Variants in EVC2 observed in about 807,000 individuals in gnomAD.
EVC2 encodes the protein EvC ciliary complex subunit 2, also known as limbin.
EVC2 carries 148 observed loss-of-function variants against 149.3 expected under a neutral mutation model. The observed-to-expected ratio is 0.99, with a 90% CI of 0.87 to 1.14. The LOEUF is 1.14. Among genes scored for constraint, EVC2 ranks in the 50% most tolerant of loss-of-function variants. The pLI, the probability that EVC2 is intolerant of heterozygous loss-of-function variation, is 0.00. For missense variants in EVC2, 1,854 were observed against 1,627.3 expected (o/e 1.14, Z -2.40); for synonymous variants, 776 against 649.9 (o/e 1.19, Z -2.95).
chr4:5,541,227 G>A (rs546749827), downstream of EVC2, among the ~76,000 whole-genome samples: 12 of 152,216 alleles, frequency 7.9e-5, no homozygotes, highest in South Asian at 2.1e-3. Flanking sequence ...TGACTGCCTA[G>A]GAGGTGCCAG....
At position 5,694,421 on chromosome 4, in the gene EVC2, G is replaced by A. The variant is rs1398017880; in HGVS notation, c.364C>T (p.Pro122Ser). The A allele has an allele frequency of 6.2e-7, 1 of 1,614,018 alleles. No individual in the cohort carries two copies. Among genetic ancestry groups the A allele is most frequent in the Non-Finnish European group, 8.5e-7 (1 of 1,180,002 alleles). ...PLSTSAASSG[P>S]WAHSLFAFIP... Reference sequence around the variant, plus strand: ...AAAGCAAATAAGGAATGAGCCCATGGCCCACTAGAGGCTGCAGAAGTTGAG... The same window carrying A: ...AAAGCAAATAAGGAATGAGCCCATGACCCACTAGAGGCTGCAGAAGTTGAG... Residue 122 changes from proline to serine, a missense_variant, in exon 3 of 22, where the codon CCA (proline) becomes TCA (serine). Pro to Ser is a moderately conservative substitution (Grantham distance 74). Transcript: ENST00000344408.
intron 4 of EVC2, 105 bp downstream of exon 4, chr4:5,691,160 G>C (rs1721090956): frequency 3.0e-6 from 3 of 1,008,652 alleles, no homozygotes; most frequent in Non-Finnish European, 4.7e-6. Context: ...ACTTGTGTAG[G>C]TAAGCCCATG....
Position 5,622,039 on chromosome 4 carries a change from G to A in EVC2, c.2501+498C>T, listed in dbSNP as rs1299537568. ...GGTGAAAAGATGATGCAGTGTGGTG[G>A]AAGAACTAACACGAAGGTCAAGATC... On this transcript the variant is annotated intron_variant, in intron 14 of 21. Transcript: ENST00000344408. This position sits in a 1 kb window ranked among gnomAD's most constrained non-coding sequence, Gnocchi z 5.8. Among the ~76,000 whole-genome samples the A allele has an allele frequency of 2.0e-5, 3 of 151,954 alleles. No homozygotes were observed. Among genetic ancestry groups the A allele is most frequent in the Non-Finnish European group, 4.4e-5 (3 of 67,996 alleles).
At position 5,696,512 on chromosome 4, in the gene EVC2, C is replaced by T. The variant is rs1721487807; in HGVS notation, c.283+1081G>A. Among the ~76,000 whole-genome samples the T allele has an allele frequency of 1.3e-5, 2 of 152,342 alleles. No individual in the cohort carries two copies. The highest frequency in any genetic ancestry group is 2.4e-5 in the African/African-American group (1 of 41,592). ...CCCACGCTGAGCCCAGGGGCCTGCA[C>T]TGGAACTGTCACAGCCGCTGGGAAG... On this transcript the variant is annotated intron_variant, in intron 2 of 21. Coordinates refer to ENST00000344408, the MANE Select transcript of EVC2 (RefSeq NM_147127.5). This position sits in a 1 kb window ranked among gnomAD's most constrained non-coding sequence, Gnocchi z 4.1.
chr4:5,639,833 AT>A (rs1560186652), intron 10 of EVC2, among the ~76,000 whole-genome samples: 1 of 151,750 alleles, frequency 6.6e-6, no homozygotes, highest in Non-Finnish European at 1.5e-5. Context: ...ACATACCTCT[AT>A]TATAACATGA....
chr4:5,588,788 T>G (rs1186695423), intron 16 of EVC2, among the ~76,000 whole-genome samples: 2 of 152,248 alleles, frequency 1.3e-5, no homozygotes, highest in Non-Finnish European at 2.9e-5. Context: ...TTAACCTTTT[T>G]TGAACATATT....
chr4:5,531,392 C>G, the EVC2 span, among the ~76,000 whole-genome samples: 6 of 152,174 alleles, frequency 3.9e-5, no homozygotes, highest in African/African-American at 1.4e-4. Context: ...TACTTTAAGT[C>G]AGGGGTCTCC....
chr4:5,599,721 T>C lies in EVC2; in HGVS notation c.2830-14871A>G, dbSNP rs570344300. Among the ~76,000 whole-genome samples, 86 of 145,936 alleles carry C rather than the reference T, an allele frequency of 5.9e-4. 1 individual carries two copies. In the South Asian group the frequency reaches 0.018, roughly 30 times the overall value. Reference sequence around the variant, plus strand: ...ATGTACCCTAAAACTTAAAGCATAATAAAATAAAATAAAAGAAGATTCCCA... The same window carrying C: ...ATGTACCCTAAAACTTAAAGCATAACAAAATAAAATAAAAGAAGATTCCCA... On this transcript the variant is annotated intron_variant, in intron 16 of 21. Transcript: ENST00000344408.
In EVC2 at chr4:5,576,362, C is replaced by T; in HGVS notation, c.3150G>A (p.Trp1050Ter). Reference protein sequence around the residue: ...QQQALASWQQWVADGPGILNE... With the variant: ...QQQALASWQQ ...TCAGAATCCCGGGCCCATCGGCCAC[C>T]CACTGCTGCCAGCTCGCCAGGGCCT... Residue 1050 changes from tryptophan (W) to a stop codon, truncating the protein, a stop_gained, in exon 18 of 22, where the codon TGG becomes TGA. Transcript: ENST00000344408. LOFTEE classifies it high-confidence loss of function. The surrounding 1 kb of genome is among the most constrained non-coding windows in gnomAD (Gnocchi z 4.5). 1 of 1,614,176 alleles carries T rather than the reference C, an allele frequency of 6.2e-7. No individual in the cohort carries two copies. Among genetic ancestry groups the T allele is most frequent in the South Asian group, 1.1e-5 (1 of 91,070 alleles).
chr4:5,582,056 G>A (rs577023363), intron 17 of EVC2, among the ~76,000 whole-genome samples: 2 of 152,204 alleles, frequency 1.3e-5, no homozygotes, highest in Non-Finnish European at 2.9e-5. Context: ...CTTCTGCTGG[G>A]GCAGAGCCCT....
At chr4:5,606,260 T>C (rs528474555) in intron 16 of EVC2, among the ~76,000 whole-genome samples, 14 of 152,318 alleles carry the variant, frequency 9.2e-5, no homozygotes, top group African/African-American at 3.4e-4. Flanking sequence ...CCCAGCCTTT[T>C]TGAGAACAAA....
chr4:5,670,589 T>A lies in EVC2; in HGVS notation c.871-4940A>T, dbSNP rs1398827225. On this transcript the variant is annotated intron_variant, in intron 7 of 21. Transcript: ENST00000344408. This position sits in a 1 kb window ranked among gnomAD's most constrained non-coding sequence, Gnocchi z 5.2. ...GCCATCACCACCATCACTATCAACA[T>A]CATCAATATCACCATCACCATCATC... Among the ~76,000 whole-genome samples, 1 of 151,428 alleles carries A rather than the reference T, an allele frequency of 6.6e-6. No individual in the cohort carries two copies. The highest frequency in any genetic ancestry group is 1.5e-5 in the Non-Finnish European group (1 of 67,900).
chr4:5,681,110 G>T (rs1720307749), intron 7 of EVC2, 150 bp downstream of exon 7: 2 of 867,924 alleles, frequency 2.3e-6, no homozygotes, highest in East Asian at 2.6e-5. Context: ...GCACACGGGG[G>T]ACCCGAGAGA....
At chr4:5,598,309 C>G (rs1042058791) in intron 16 of EVC2, among the ~76,000 whole-genome samples, 5 of 151,722 alleles carry the variant, frequency 3.3e-5, no homozygotes, top group Non-Finnish European at 7.4e-5. Context: ...TGCTACCTGA[C>G]TTCAAACTAT....
chr4:5,593,636 G>A (rs942742989), intron 16 of EVC2, among the ~76,000 whole-genome samples: 2 of 152,220 alleles, frequency 1.3e-5, no homozygotes, highest in African/African-American at 2.4e-5. Context: ...CTCCCAGCGT[G>A]AGCGACGCAC....
intron 16 of EVC2, among the ~76,000 whole-genome samples, chr4:5,592,571 C>G (rs768571138): frequency 4.6e-5 from 7 of 152,232 alleles, no homozygotes; most frequent in Non-Finnish European, 1.0e-4. Context: ...TGCCAGGGAA[C>G]AGCAGTCTCC....
chr4:5,651,159 T>A (rs1422695650), intron 9 of EVC2, among the ~76,000 whole-genome samples: 1 of 151,852 alleles, frequency 6.6e-6, no homozygotes, highest in East Asian at 1.9e-4. Context: ...GATGTATGAA[T>A]GGAGGAATGC....
chr4:5,690,258 A>C (rs1721024963), intron 4 of EVC2, among the ~76,000 whole-genome samples: 1 of 152,232 alleles, frequency 6.6e-6, no homozygotes, highest in South Asian at 2.1e-4. Flanking sequence ...TGATAAAATG[A>C]GGGTGGCACA....
the EVC2 span, among the ~76,000 whole-genome samples, chr4:5,534,150 G>C: frequency 1.8e-3 from 3 of 1,700 alleles, no homozygotes; most frequent in Non-Finnish European, 0.01. Flanking sequence ...ACTGGGAAAG[G>C]GCTACAGGCT....
Sources: allele counts gnomAD v4.1 joint callset (sites outside exome capture counted in the v4.1 genomes callset), GRCh38; gene constraint gnomAD v4.1.1; non-coding constraint Gnocchi (gnomAD v3.1); transcripts MANE v1.5; gene names NCBI Gene and HGNC (gene_info 2026-07-23, HGNC 2026-07-21).